ABLIM3: variants seen among roughly 807,000 people sequenced by gnomAD.
The protein encoded by ABLIM3 is actin-binding LIM protein 3.
Under a neutral mutation model 109.5 loss-of-function variants are expected in ABLIM3, and 61 were observed. The observed-to-expected ratio is 0.56, with a 90% CI of 0.45 to 0.69. The LOEUF is 0.69. Ranked by LOEUF, ABLIM3 falls within the 30% of genes least tolerant of loss-of-function variation. The probability of loss-of-function intolerance (pLI) is 0.00; values close to 1 mark genes in which losing one functional copy is unlikely to be tolerated. For synonymous variants in ABLIM3, 300 were observed against 324.8 expected, an observed-to-expected ratio of 0.92 and a Z score of 0.82; for missense variants, 796 against 889.5, an observed-to-expected ratio of 0.89 and a Z score of 1.34.
At chr5:149,248,273 G>A (rs1299388612) in intron 18 of ABLIM3, among the ~76,000 whole-genome samples, 4 of 152,156 alleles carry the variant, frequency 2.6e-5, no homozygotes, top group Non-Finnish European at 5.9e-5. Flanking sequence ...GCTTCATTGA[G>A]GTCTAGAATA....
At position 149,251,343 on chromosome 5, in the gene ABLIM3, T is replaced by C. The variant is rs1424740621; in HGVS notation, c.1789-16T>C. ...GAGCTTATCTCAGGCCAGCCGTGGTTCTGTCTCTTCTGCAGACACCCAGCG... is the reference window on the plus strand; with the variant it reads ...GAGCTTATCTCAGGCCAGCCGTGGTCCTGTCTCTTCTGCAGACACCCAGCG... On this transcript the variant is annotated splice_polypyrimidine_tract_variant and intron_variant, in intron 20 of 23. Coordinates refer to ENST00000309868, the MANE Select transcript of ABLIM3 (RefSeq NM_014945.5). The C allele has an allele frequency of 6.2e-7, 1 of 1,613,874 alleles. No homozygotes were observed. The highest frequency in any genetic ancestry group is 8.5e-7 in the Non-Finnish European group (1 of 1,179,960).
intron 3 of ABLIM3, among the ~76,000 whole-genome samples, chr5:149,194,657 C>G (rs1043950938): frequency 5.9e-5 from 9 of 152,158 alleles, no homozygotes; most frequent in Admixed American, 5.9e-4. Context: ...ACACAATACT[C>G]AGGGAATGAA....
chr5:149,259,126 G>C lies in ABLIM3; in HGVS notation c.*722G>C. The stretch of plus-strand genomic sequence containing the variant: ...TCCACCACTTCCAACTGGCCCCTTT[G>C]CCTGACCTGGACTTGGAGAACCAGA... On this transcript the variant is annotated 3_prime_UTR_variant, in exon 24 of 24. Coordinates refer to ENST00000309868, the MANE Select transcript of ABLIM3 (RefSeq NM_014945.5). 9.8e-6 allele frequency: 10 copies of C among 1,015,522 alleles called. No individual in the cohort carries two copies. Among genetic ancestry groups the C allele is most frequent in the Non-Finnish European group, 1.2e-5 (10 of 848,656 alleles). The allele number at this position is 1,015,522 out of a possible 1,614,324, so 62.9% of individuals were successfully genotyped here. A position where few individuals can be genotyped will look rare whatever the true frequency, so the allele number is the denominator to read the frequency against.
chr5:149,175,632 G>A (rs746612923), intron 2 of ABLIM3, among the ~76,000 whole-genome samples: 22 of 152,076 alleles, frequency 1.4e-4, no homozygotes, highest in Admixed American at 3.9e-4. Context: ...CGGGCAATCC[G>A]GCAGCTGAAA....
intron 5 of ABLIM3, among the ~76,000 whole-genome samples, chr5:149,205,508 G>A (rs143475765): frequency 6.6e-6 from 1 of 152,164 alleles, no homozygotes; most frequent in Non-Finnish European, 1.5e-5. Flanking sequence ...ACAGTCCTTG[G>A]GTTCCTCTAT....
chr5:149,142,054 G>A lies in ABLIM3; in HGVS notation c.-42G>A. The A allele has an allele frequency of 2.5e-6, 4 of 1,614,086 alleles. No homozygotes were observed. The South Asian group carries it at 3.3e-5, about 13-fold the overall frequency. On this transcript the variant is annotated 5_prime_UTR_variant, in exon 2 of 24. Coordinates refer to ENST00000309868, the MANE Select transcript of ABLIM3 (RefSeq NM_014945.5). ...AACGGAAGATTTAAAAAGCAGCCGG[G>A]GCCTCCGTATTGAATGAAAGACCCA...
chr5:149,222,407 T>A (rs549641286), intron 8 of ABLIM3, among the ~76,000 whole-genome samples: 1 of 152,244 alleles, frequency 6.6e-6, no homozygotes, highest in African/African-American at 2.4e-5. Flanking sequence ...ATTCTTAAAC[T>A]GGTTCATGGT....
At chr5:149,175,043 C>T (rs547346452) in intron 2 of ABLIM3, among the ~76,000 whole-genome samples, 1 of 152,314 alleles carries the variant, frequency 6.6e-6, no homozygotes, top group South Asian at 2.1e-4. Context: ...TCACAAGGAA[C>T]TGACTCAGCA....
chr5:149,151,826 C>T (rs1322739545), intron 2 of ABLIM3, among the ~76,000 whole-genome samples: 1 of 152,218 alleles, frequency 6.6e-6, no homozygotes, highest in East Asian at 1.9e-4. Flanking sequence ...CTGTCCAACA[C>T]AGGGAATAAG....
At chr5:149,155,299 C>T (rs115881582) in intron 2 of ABLIM3, among the ~76,000 whole-genome samples, 1,547 of 152,274 alleles carry the variant, frequency 0.01, 35 homozygotes, top group African/African-American at 0.036. Context: ...CTCATTCACT[C>T]GGGCAGTGAA....
chr5:149,170,042 T>C (rs1755228820), intron 2 of ABLIM3, among the ~76,000 whole-genome samples: 1 of 152,152 alleles, frequency 6.6e-6, no homozygotes, highest in Non-Finnish European at 1.5e-5. Flanking sequence ...TAAATTTGCG[T>C]CATGGGGGTT....
intron 16 of ABLIM3, among the ~76,000 whole-genome samples, chr5:149,245,264 G>A (rs1474998726): frequency 6.6e-6 from 1 of 152,252 alleles, no homozygotes; most frequent in Non-Finnish European, 1.5e-5. Flanking sequence ...CCAGCCATGA[G>A]AGGGAGGTGA....
At chr5:149,234,628 G>A (rs1011781185) in intron 10 of ABLIM3, among the ~76,000 whole-genome samples, 1 of 152,206 alleles carries the variant, frequency 6.6e-6, no homozygotes, top group Non-Finnish European at 1.5e-5. Context: ...ATACTACCAT[G>A]TGGCTGTCAA....
intron 17 of ABLIM3, 70 bp downstream of exon 17, chr5:149,246,616 G>A: frequency 6.6e-7 from 1 of 1,518,184 alleles, no homozygotes; most frequent in Admixed American, 2.1e-5. Flanking sequence ...TCATTTACAA[G>A]CAACAAAAAA....
At position 149,244,936 on chromosome 5, in the gene ABLIM3, C is replaced by A. The variant is rs767046476; in HGVS notation, c.1407C>A (p.Ser469=). 6.2e-7 allele frequency: 1 copy of A among 1,614,184 alleles called. No homozygotes were observed. The highest frequency in any genetic ancestry group is 1.1e-5 in the South Asian group (1 of 91,080). Residue 469 remains serine (S), a synonymous_variant, in exon 16 of 24, where the codon TCC becomes TCA. Transcript: ENST00000309868. Reference sequence around the variant, plus strand: ...CAAGTGAAGACATCAGCCAGACCTCCAAGTACAGTCCCATCTACTCGCCAG... The same window carrying A: ...CAAGTGAAGACATCAGCCAGACCTCAAAGTACAGTCCCATCTACTCGCCAG... ...SKTSEDISQT[S]KYSPIYSPDP...
intron 2 of ABLIM3, among the ~76,000 whole-genome samples, chr5:149,161,558 C>T (rs112479532): frequency 2.6e-5 from 4 of 152,298 alleles, no homozygotes; most frequent in African/African-American, 9.6e-5. Context: ...AATTATTGTA[C>T]CAGGATTCCT....
chr5:149,195,788 A>G (rs1757910833), intron 3 of ABLIM3, among the ~76,000 whole-genome samples: 1 of 152,124 alleles, frequency 6.6e-6, no homozygotes, highest in African/African-American at 2.4e-5. Flanking sequence ...GATGTGATGA[A>G]TTTTCATAAT....
chr5:149,259,484 G>A lies in ABLIM3; in HGVS notation c.*1080G>A. 3 of 1,535,966 alleles carry A rather than the reference G, an allele frequency of 2.0e-6. No homozygotes were observed. The highest frequency in any genetic ancestry group is 2.4e-5 in the East Asian group (1 of 40,910). On this transcript the variant is annotated 3_prime_UTR_variant, in exon 24 of 24. Coordinates refer to ENST00000309868, the MANE Select transcript of ABLIM3 (RefSeq NM_014945.5). ...TGCCTCTGGTCTGTGGGCTGGCAGG[G>A]CAACCATACCATACCCCCGCCAGTC...
At chr5:149,179,074 T>C (rs891402251) in intron 2 of ABLIM3, among the ~76,000 whole-genome samples, 1 of 152,176 alleles carries the variant, frequency 6.6e-6, no homozygotes, top group Non-Finnish European at 1.5e-5. Flanking sequence ...ACTCCCATGC[T>C]CCTTTTCATT....
Sources: allele counts gnomAD v4.1 joint callset (sites outside exome capture counted in the v4.1 genomes callset), GRCh38; gene constraint gnomAD v4.1.1; transcripts MANE v1.5; gene names NCBI Gene and HGNC (gene_info 2026-07-23, HGNC 2026-07-21).